SIPA1L1: variants seen among roughly 807,000 people sequenced by gnomAD.
SIPA1L1 encodes signal-induced proliferation-associated 1-like protein 1.
In SIPA1L1, 26 loss-of-function variants were observed where a neutral mutation model predicts 162.7. That is an observed-to-expected ratio of 0.16 (90% CI 0.12 to 0.22). SIPA1L1 has a LOEUF of 0.22. Ranked by LOEUF, SIPA1L1 falls within the 10% of genes least tolerant of loss-of-function variation. The pLI, the probability that SIPA1L1 is intolerant of heterozygous loss-of-function variation, is 1.00. For missense variants in SIPA1L1, 1,874 were observed against 2,241.0 expected, an observed-to-expected ratio of 0.84 and a Z score of 3.31; for synonymous variants, 829 against 837.4, an observed-to-expected ratio of 0.99 and a Z score of 0.17.
At chr14:71,625,843 ATAGT>A (rs2039925417) in intron 7 of SIPA1L1, among the ~76,000 whole-genome samples, 1 of 152,226 alleles carries the variant, frequency 6.6e-6, no homozygotes, top group Non-Finnish European at 1.5e-5. Flanking sequence ...TGTAAAGGAG[ATAGT>A]TATTGCCATT....
intron 14 of SIPA1L1, among the ~76,000 whole-genome samples, chr14:71,700,351 A>G (rs1380233231): frequency 6.6e-6 from 1 of 152,212 alleles, no homozygotes; most frequent in Non-Finnish European, 1.5e-5. Context: ...CGGACAACAT[A>G]GCCTGTCTCT....
At chr14:71,428,686 G>A (rs532248648) in intron 2 of SIPA1L1, among the ~76,000 whole-genome samples, 120 of 152,300 alleles carry the variant, frequency 7.9e-4, no homozygotes, top group Non-Finnish European at 1.5e-3. Flanking sequence ...TGCAAGAGGG[G>A]AGGTTCAACA....
intron 2 of SIPA1L1, among the ~76,000 whole-genome samples, chr14:71,411,515 T>A (rs2042401941): frequency 6.6e-6 from 1 of 152,150 alleles, no homozygotes; most frequent in South Asian, 2.1e-4. Context: ...GGTGTGGTAG[T>A]CTCTACACTG....
chr14:71,594,106 A>G (rs1242370612), intron 5 of SIPA1L1, among the ~76,000 whole-genome samples: 1 of 152,212 alleles, frequency 6.6e-6, no homozygotes, highest in South Asian at 2.1e-4. Flanking sequence ...ATCAGGTTGA[A>G]CAGTGATTGA....
At chr14:71,466,799 T>C (rs537137220) in intron 2 of SIPA1L1, among the ~76,000 whole-genome samples, 1 of 152,316 alleles carries the variant, frequency 6.6e-6, no homozygotes, top group East Asian at 1.9e-4. Flanking sequence ...CCAGTTATCT[T>C]TTAATAAACT....
intron 2 of SIPA1L1, among the ~76,000 whole-genome samples, chr14:71,394,633 A>G (rs754759048): frequency 6.6e-6 from 1 of 152,240 alleles, no homozygotes; most frequent in Non-Finnish European, 1.5e-5. Context: ...ATCCAAAAAC[A>G]AACTGTTTAA....
At chr14:71,347,531 A>G (rs2036289883) in intron 2 of SIPA1L1, among the ~76,000 whole-genome samples, 1 of 152,166 alleles carries the variant, frequency 6.6e-6, no homozygotes, top group Admixed American at 6.5e-5. Flanking sequence ...GTTGACTTAT[A>G]TAGTAACTCT....
chr14:71,353,306 C>T (rs1021681747), intron 2 of SIPA1L1, among the ~76,000 whole-genome samples: 18 of 152,122 alleles, frequency 1.2e-4, no homozygotes, highest in African/African-American at 4.3e-4. Context: ...TTCACGTAAC[C>T]ACTTGAAGAA....
intron 6 of SIPA1L1, 21 bp downstream of exon 6, chr14:71,618,908 G>C (rs751044666): frequency 1.2e-6 from 2 of 1,608,226 alleles, no homozygotes; most frequent in Non-Finnish European, 1.7e-6. Context: ...AATGAGAGAG[G>C]TTTGAGGTTT....
chr14:71,665,283 T>C (rs1388333423), intron 10 of SIPA1L1, among the ~76,000 whole-genome samples: 1 of 152,190 alleles, frequency 6.6e-6, no homozygotes, highest in African/African-American at 2.4e-5. Flanking sequence ...GATCTAGACA[T>C]GAGATCTCAA....
intron 4 of SIPA1L1, 119 bp downstream of exon 4, chr14:71,529,489 T>G: frequency 3.9e-6 from 2 of 515,382 alleles, no homozygotes; most frequent in Non-Finnish European, 7.0e-6. Context: ...AAATCTACTT[T>G]TCTCAAAGAG....
chr14:71,535,239 T>C (rs1341346173), intron 4 of SIPA1L1, among the ~76,000 whole-genome samples: 1 of 152,234 alleles, frequency 6.6e-6, no homozygotes, highest in African/African-American at 2.4e-5. Context: ...ATGGTGTGTG[T>C]TAGACTTAGT....
At chr14:71,605,933 A>G (rs574006614) in intron 5 of SIPA1L1, among the ~76,000 whole-genome samples, 9 of 152,214 alleles carry the variant, frequency 5.9e-5, no homozygotes, top group African/African-American at 2.2e-4. Context: ...AGCAGGCATG[A>G]TAGGGGTGAT....
At chr14:71,452,311 T>A (rs1281936978) in intron 2 of SIPA1L1, among the ~76,000 whole-genome samples, 1 of 152,182 alleles carries the variant, frequency 6.6e-6, no homozygotes, top group Non-Finnish European at 1.5e-5. Flanking sequence ...ATGTACTCTT[T>A]GGTTGTACTC....
chr14:71,668,301 C>G (rs1299455540), intron 10 of SIPA1L1, among the ~76,000 whole-genome samples: 4 of 152,126 alleles, frequency 2.6e-5, no homozygotes, highest in African/African-American at 9.7e-5. Context: ...TAAGTGTGGG[C>G]TTGTCGTGGA....
chr14:71,348,213 C>A (rs920609109), intron 2 of SIPA1L1, among the ~76,000 whole-genome samples: 4 of 152,164 alleles, frequency 2.6e-5, no homozygotes, highest in Non-Finnish European at 5.9e-5. Flanking sequence ...AGGGTCAACA[C>A]AGAGACTATT....
chr14:71,419,158 G>A (rs1368704227), intron 2 of SIPA1L1, among the ~76,000 whole-genome samples: 1 of 151,916 alleles, frequency 6.6e-6, no homozygotes, highest in Non-Finnish European at 1.5e-5. Context: ...CGGTCTGATT[G>A]GCACTCTGGA....
At position 71,452,074 on chromosome 14, in the gene SIPA1L1, C is replaced by T. The variant is rs117369089; in HGVS notation, c.-464-60669C>T. On this transcript the variant is annotated intron_variant, in intron 2 of 23. Transcript: ENST00000381232. ...CATATAGAAAAGCAGATAGATCCTA[C>T]GTTTTCACCTTTGATAAGTTTTCAC... Among the ~76,000 whole-genome samples the T allele has an allele frequency of 2.1e-4, 32 of 152,238 alleles. No individual in the cohort carries two copies. The East Asian group carries it at 5.0e-3, about 24-fold the overall frequency.
intron 2 of SIPA1L1, among the ~76,000 whole-genome samples, chr14:71,439,360 AG>A (rs1207237544): frequency 6.6e-6 from 1 of 152,140 alleles, no homozygotes; most frequent in Non-Finnish European, 1.5e-5. Context: ...AGGAAAAGGT[AG>A]GTGGAGCATT....
Sources: allele counts gnomAD v4.1 joint callset (sites outside exome capture counted in the v4.1 genomes callset), GRCh38; gene constraint gnomAD v4.1.1; transcripts MANE v1.5; gene names NCBI Gene and HGNC (gene_info 2026-07-23, HGNC 2026-07-21).